The following LRRC8C variants were observed in gnomAD, a reference collection of about 807,000 sequenced individuals.
LRRC8C encodes volume-regulated anion channel subunit LRRC8C.
A neutral mutation model predicts 55.3 loss-of-function variants in LRRC8C; 20 were observed. That is an observed-to-expected ratio of 0.36 (90% CI 0.25 to 0.53). The LOEUF (loss-of-function observed/expected upper bound fraction) is 0.53, where lower values mean the gene tolerates loss of function less well. LRRC8C is among the 20% of genes least tolerant of loss of function. The pLI is 0.92. For synonymous variants in LRRC8C, 376 were observed against 360.7 expected (o/e 1.04, Z -0.48); for missense variants, 659 against 951.4 (o/e 0.69, Z 4.04).
intron 1 of LRRC8C, among the ~76,000 whole-genome samples, chr1:89,636,614 C>T (rs6684676): frequency 0.56 from 84,487 of 151,792 alleles, 23,927 homozygotes; most frequent in East Asian, 0.79. Context: ...CAGTCTCTCC[C>T]CACCACACAC....
intron 2 of LRRC8C, among the ~76,000 whole-genome samples, chr1:89,699,273 G>C (rs1308182717): frequency 6.6e-6 from 1 of 152,176 alleles, no homozygotes; most frequent in Admixed American, 6.5e-5. Context: ...TTTTAGGGCA[G>C]TGAAATGACT....
Position 89,718,241 on chromosome 1 carries a change from A to G in LRRC8C, c.*3259A>G, listed in dbSNP as rs1658878865. On this transcript the variant is annotated 3_prime_UTR_variant, in exon 3 of 3. Coordinates refer to ENST00000370454, the MANE Select transcript of LRRC8C (RefSeq NM_032270.5). ...CCATCTGTTTCAAGGAGTTTCAACA[A>G]TTTACATTGCATCGTATGCAGTAGG... 6.6e-6 allele frequency: 1 copy of G among 152,140 alleles called. No individual in the cohort carries two copies. The highest frequency in any genetic ancestry group is 2.4e-5 in the African/African-American group (1 of 41,432). 9.4% of individuals were successfully genotyped at this position (152,140 alleles called of 1,614,324 possible).
intron 1 of LRRC8C, among the ~76,000 whole-genome samples, chr1:89,641,882 A>G (rs573633144): frequency 3.3e-5 from 5 of 152,276 alleles, no homozygotes; most frequent in Admixed American, 3.3e-4. Context: ...TCTACTTAGC[A>G]TGCTTTGTTT....
At chr1:89,665,638 G>A (rs1657238830) in intron 1 of LRRC8C, among the ~76,000 whole-genome samples, 1 of 152,152 alleles carries the variant, frequency 6.6e-6, no homozygotes, top group African/African-American at 2.4e-5. Context: ...TATAAAGAAT[G>A]TTTAAAGTTT....
intron 1 of LRRC8C, among the ~76,000 whole-genome samples, chr1:89,683,713 A>T (rs1437569822): frequency 6.6e-6 from 1 of 152,194 alleles, no homozygotes; most frequent in Non-Finnish European, 1.5e-5. Context: ...TCCAGTTTCC[A>T]TATCACAACT....
intron 1 of LRRC8C, among the ~76,000 whole-genome samples, chr1:89,634,392 T>C (rs1656221567): frequency 1.3e-5 from 2 of 152,174 alleles, no homozygotes; most frequent in African/African-American, 4.8e-5. Flanking sequence ...AAGGAAGGAA[T>C]AGGTAAAGGA....
At chr1:89,685,332 G>A (rs1284500223) in intron 1 of LRRC8C, among the ~76,000 whole-genome samples, 2 of 142,112 alleles carry the variant, frequency 1.4e-5, no homozygotes, top group Non-Finnish European at 3.0e-5. Context: ...AGCCAGGATG[G>A]TCTTGATCTC....
chr1:89,621,466 CA>C, the LRRC8C span, among the ~76,000 whole-genome samples: 3 of 151,502 alleles, frequency 2.0e-5, no homozygotes, highest in Non-Finnish European at 3.0e-5. Flanking sequence ...GACACCATCT[CA>C]AAAAAAAATT....
chr1:89,638,080 A>G (rs1656344961), intron 1 of LRRC8C, among the ~76,000 whole-genome samples: 1 of 152,212 alleles, frequency 6.6e-6, no homozygotes, highest in African/African-American at 2.4e-5. Flanking sequence ...TAGGGAAGTA[A>G]CTGAAAATGT....
chr1:89,618,226 C>T, the LRRC8C span, among the ~76,000 whole-genome samples: 1 of 152,168 alleles, frequency 6.6e-6, no homozygotes, highest in Non-Finnish European at 1.5e-5. Flanking sequence ...TATGGTCAGA[C>T]ACGTCATTTG....
At chr1:89,659,550 A>C (rs542489930) in intron 1 of LRRC8C, among the ~76,000 whole-genome samples, 48 of 152,344 alleles carry the variant, frequency 3.2e-4, no homozygotes, top group Middle Eastern at 3.4e-3. Context: ...CTAAGTACAC[A>C]GTAAACCTTA....
At position 89,718,227 on chromosome 1, in the gene LRRC8C, A is replaced by C. The variant is rs1301848972; in HGVS notation, c.*3245A>C. ...TGCCATTGTATTTCCCATCTGTTTC[A>C]AGGAGTTTCAACAATTTACATTGCA... On this transcript the variant is annotated 3_prime_UTR_variant, in exon 3 of 3. Transcript: ENST00000370454. 6.6e-6 allele frequency: 1 copy of C among 152,112 alleles called. No homozygotes were observed. The highest frequency in any genetic ancestry group is 2.4e-5 in the African/African-American group (1 of 41,436). 9.4% of individuals were successfully genotyped at this position (152,112 alleles called of 1,614,324 possible).
chr1:89,636,469 C>T (rs1036792634), intron 1 of LRRC8C, among the ~76,000 whole-genome samples: 6 of 152,112 alleles, frequency 3.9e-5, no homozygotes, highest in African/African-American at 1.4e-4. Context: ...TGCTCTTACT[C>T]TTTTATTTTA....
intron 1 of LRRC8C, among the ~76,000 whole-genome samples, chr1:89,653,604 A>G (rs990900734): frequency 6.6e-6 from 1 of 152,238 alleles, no homozygotes; most frequent in Admixed American, 6.5e-5. Context: ...AAAACAAATG[A>G]GACATGCTGG....
chr1:89,621,800 CTAAA>C, the LRRC8C span, among the ~76,000 whole-genome samples: 1 of 152,160 alleles, frequency 6.6e-6, no homozygotes, highest in African/African-American at 2.4e-5. Context: ...TTTTAGGTTA[CTAAA>C]TGATTTTTCA....
intron 1 of LRRC8C, among the ~76,000 whole-genome samples, chr1:89,674,662 A>G (rs1657507620): frequency 6.6e-6 from 1 of 152,132 alleles, no homozygotes; most frequent in Non-Finnish European, 1.5e-5. Flanking sequence ...TACTGAGCTC[A>G]TCCAACAGGA....
intron 1 of LRRC8C, among the ~76,000 whole-genome samples, chr1:89,639,311 C>A (rs1033771433): frequency 6.6e-6 from 1 of 152,086 alleles, no homozygotes; most frequent in Admixed American, 6.6e-5. Context: ...TGAAACACTG[C>A]GTTCCATAAC....
intron 1 of LRRC8C, among the ~76,000 whole-genome samples, chr1:89,634,365 A>T (rs1290561114): frequency 6.6e-6 from 1 of 152,172 alleles, no homozygotes; most frequent in African/African-American, 2.4e-5. Context: ...AATTACCTCC[A>T]TTTAAAGCAG....
At chr1:89,710,061 T>G (rs929514725) in intron 2 of LRRC8C, among the ~76,000 whole-genome samples, 1 of 152,172 alleles carries the variant, frequency 6.6e-6, no homozygotes, top group Non-Finnish European at 1.5e-5. Flanking sequence ...TGTATTTTCA[T>G]CATATCATTA....
Sources: allele counts gnomAD v4.1 joint callset (sites outside exome capture counted in the v4.1 genomes callset), GRCh38; gene constraint gnomAD v4.1.1; transcripts MANE v1.5; gene names NCBI Gene and HGNC (gene_info 2026-07-23, HGNC 2026-07-21).